The following ZDHHC11B variants were observed in gnomAD, a reference collection of about 807,000 sequenced individuals.
The protein encoded by ZDHHC11B is zDHHC palmitoyltransferase 11B (putative), also known as probable palmitoyltransferase ZDHHC11B.
ZDHHC11B carries 17 observed loss-of-function variants against 42.3 expected under a neutral mutation model. The observed-to-expected ratio is 0.40, with a 90% CI of 0.27 to 0.60. The LOEUF is 0.60. Among genes scored for constraint, ZDHHC11B ranks in the 20% least tolerant of loss-of-function variants. The pLI is 0.41. For synonymous variants in ZDHHC11B, 123 were observed against 193.5 expected (o/e 0.64, Z 3.02); for missense variants, 262 against 463.2 (o/e 0.57, Z 3.99).
At chr5:744,618 T>C (rs1215258661) in intron 9 of ZDHHC11B, among the ~76,000 whole-genome samples, 19 of 149,578 alleles carry the variant, frequency 1.3e-4, no homozygotes, top group Non-Finnish European at 3.0e-5. Flanking sequence ...CTCATGCTTG[T>C]AATCCCAGCA....
chr5:711,415 G>GCTGTGCTCCCAATTCCCAGTA lies in ZDHHC11B; in HGVS notation c.*854_*874dup, dbSNP rs1469582979. ...TAGTACTGTGCTCCCATTTCCCAGT[G>GCTGTGCTCCCAATTCCCAGTA]CTGTGCTCCCAATTCCCAGTACTGT... On this transcript the variant is annotated 3_prime_UTR_variant, in exon 14 of 14. Transcript: ENST00000508859. 7.5e-6 allele frequency: 1 copy of GCTGTGCTCCCAATTCCCAGTA among 133,676 alleles called. No homozygotes were observed. The highest frequency in any genetic ancestry group is 2.7e-4 in the South Asian group (1 of 3,732). The allele number at this position is 133,676 out of a possible 1,614,324, so 8.3% of individuals were successfully genotyped here. A position where few individuals can be genotyped will look rare whatever the true frequency, so the allele number is the denominator to read the frequency against.
rs543801809 is a variant in ZDHHC11B at position 748,269 on chromosome 5, G to A, written c.784+135C>T. On this transcript the variant is annotated intron_variant, in intron 8 of 13. Coordinates refer to ENST00000508859, the MANE Select transcript of ZDHHC11B (RefSeq NM_001351303.2). The stretch of plus-strand genomic sequence containing the variant: ...GGAGAGGCTGACCCTGAACACATGC[G>A]CACACGGGGGACAAAGACTCTGGCC... The A allele has an allele frequency of 3.9e-5, 28 of 712,424 alleles. 3 individuals carry two copies. The highest frequency in any genetic ancestry group is 1.2e-4 in the East Asian group (3 of 25,224). 44.1% of individuals were successfully genotyped at this position (712,424 alleles called of 1,614,324 possible).
In ZDHHC11B at chr5:766,763, A is replaced by G. The variant is rs1160536516; in HGVS notation, c.157T>C (p.Ser53Pro). Residue 53 changes from serine to proline, a missense_variant, in exon 4 of 14, where the codon TCC becomes CCC. Ser to Pro is a moderately conservative substitution (Grantham distance 74). This residue lies in a region of ZDHHC11B where 97 missense variants were observed against 98.1 expected (regional missense o/e 0.99). Transcript: ENST00000508859. ...ATGAAGATCCTGAAGGTGGCCAAGG[A>G]AAGGCCAACGAAGACAGCCCAAGTC... ...VVTWAVFVGLSLATFRIFIPL... is the reference protein window; with the variant it reads ...VVTWAVFVGLPLATFRIFIPL... 6.2e-7 allele frequency: 1 copy of G among 1,612,388 alleles called. No individual in the cohort carries two copies. Among genetic ancestry groups the G allele is most frequent in the Non-Finnish European group, 8.5e-7 (1 of 1,179,174 alleles).
At chr5:767,643 C>T in intron 2 of ZDHHC11B, 119 bp from the exon 3 acceptor site, 1 of 767,134 alleles carries the variant, frequency 1.3e-6, no homozygotes, top group Non-Finnish European at 2.0e-6. Context: ...GCACCCCAGT[C>T]TCACCTCTCT....
chr5:777,602 A>G (rs1736632140), intron 1 of ZDHHC11B, among the ~76,000 whole-genome samples: 1 of 151,900 alleles, frequency 6.6e-6, no homozygotes. Context: ...GACCCCACCC[A>G]CATCCTGCTG....
chr5:749,401 G>T (rs1188568557), intron 7 of ZDHHC11B, among the ~76,000 whole-genome samples: 3 of 130,366 alleles, frequency 2.3e-5, no homozygotes, highest in African/African-American at 7.5e-5. Flanking sequence ...AATGGCAGAG[G>T]GTTGGATTCA....
intron 1 of ZDHHC11B, among the ~76,000 whole-genome samples, chr5:778,913 C>T (rs1479571677): frequency 6.6e-6 from 1 of 151,832 alleles, no homozygotes; most frequent in African/African-American, 2.4e-5. Context: ...GCTATGGGGG[C>T]CAGGCTCCTG....
At chr5:772,798 C>A (rs1353512818) in intron 1 of ZDHHC11B, among the ~76,000 whole-genome samples, 201 of 151,424 alleles carry the variant, frequency 1.3e-3, no homozygotes, top group African/African-American at 4.5e-3. Context: ...TTCCAAAGCC[C>A]GCCTCTGCGT....
intron 1 of ZDHHC11B, among the ~76,000 whole-genome samples, chr5:776,104 C>T (rs1360007562): frequency 6.7e-6 from 1 of 150,312 alleles, no homozygotes; most frequent in East Asian, 1.9e-4. Context: ...GCACCCTCCA[C>T]CCCAGGCTGG....
chr5:733,965 T>C (rs1419384844), intron 10 of ZDHHC11B, 126 bp from the exon 11 acceptor site: 9 of 828,200 alleles, frequency 1.1e-5, no homozygotes, highest in South Asian at 1.6e-5. Flanking sequence ...CAAAAACTTG[T>C]AGACCAGCAG....
At position 777,549 on chromosome 5, in the gene ZDHHC11B, T is replaced by G. The variant is rs573463002; in HGVS notation, c.-230+7119A>C. Among the ~76,000 whole-genome samples, 222 of 151,954 alleles carry G rather than the reference T, an allele frequency of 1.5e-3. 4 individuals carry two copies. The highest frequency in any genetic ancestry group is 2.4e-3 in the Non-Finnish European group (160 of 67,896). On this transcript the variant is annotated intron_variant, in intron 1 of 13. Transcript: ENST00000508859. ...CAGCGGAGAAGAGAATGGAGTCAGG[T>G]TGCGGCAGGGCGTTCCGGCTACCCG...
At chr5:717,129 G>A (rs1244417858) in intron 12 of ZDHHC11B, among the ~76,000 whole-genome samples, 16 of 151,186 alleles carry the variant, frequency 1.1e-4, no homozygotes, top group Non-Finnish European at 2.2e-4. Flanking sequence ...TAAATAAGAG[G>A]GTCTTGTGGT....
chr5:739,046 T>A (rs1212096576), intron 10 of ZDHHC11B, among the ~76,000 whole-genome samples: 1 of 150,580 alleles, frequency 6.6e-6, no homozygotes, highest in African/African-American at 2.5e-5. Flanking sequence ...AATCTGTACT[T>A]CTGACAAAGG....
intron 1 of ZDHHC11B, among the ~76,000 whole-genome samples, chr5:781,010 C>T (rs1377253494): frequency 6.8e-6 from 1 of 147,374 alleles, no homozygotes; most frequent in Non-Finnish European, 1.5e-5. Flanking sequence ...GGGGCTGGGT[C>T]AGGTCCCCGG....
chr5:754,206 GCTCAGGGGAAACACGTCTCATCTA>G (rs1746211114), intron 6 of ZDHHC11B, among the ~76,000 whole-genome samples: 1 of 99,076 alleles, frequency 1.0e-5, no homozygotes, highest in Non-Finnish European at 2.2e-5. Flanking sequence ...CCTCCACCAT[GCTCAGGGGAAACACGTCTCATCTA>G]TGAGCCTCCA....
intron 4 of ZDHHC11B, among the ~76,000 whole-genome samples, chr5:764,493 G>T (rs1235689722): frequency 6.6e-6 from 1 of 151,930 alleles, no homozygotes; most frequent in African/African-American, 2.4e-5. Flanking sequence ...GCAGTGAGGG[G>T]CTTAGCACCT....
At chr5:731,508 T>C (rs1743015614) in intron 11 of ZDHHC11B, among the ~76,000 whole-genome samples, 1 of 151,054 alleles carries the variant, frequency 6.6e-6, no homozygotes, top group African/African-American at 2.5e-5. Context: ...TTATTTCTCA[T>C]GGATATTGTT....
At chr5:753,334 G>A (rs1381571541) in intron 6 of ZDHHC11B, among the ~76,000 whole-genome samples, 5 of 130,542 alleles carry the variant, frequency 3.8e-5, no homozygotes, top group African/African-American at 1.2e-4. Context: ...AGCGAGGTTG[G>A]CACAGATGCC....
chr5:778,119 C>T (rs1435393620), intron 1 of ZDHHC11B, among the ~76,000 whole-genome samples: 1 of 151,900 alleles, frequency 6.6e-6, no homozygotes, highest in Non-Finnish European at 1.5e-5. Context: ...GAGACTGATA[C>T]GGGTCTGAGA....
Sources: gnomAD v4.1 joint callset for allele counts (sites outside exome capture counted in the v4.1 genomes callset) on GRCh38, gnomAD v4.1.1 for gene constraint, gnomAD v4.1.1 regional missense constraint, MANE v1.5 for transcripts, NCBI Gene and HGNC (gene_info 2026-07-23, HGNC 2026-07-21) for gene names.